The following CCDC59 variants were observed in gnomAD, a reference collection of about 807,000 sequenced individuals.
CCDC59 encodes the protein thyroid transcription factor 1-associated protein 26.
CCDC59 carries 27 observed loss-of-function variants against 30.5 expected under a neutral mutation model. The observed-to-expected ratio is 0.89, with a 90% CI of 0.65 to 1.22. CCDC59 has a LOEUF of 1.22. Ranked by LOEUF, CCDC59 falls within the 50% of genes most tolerant of loss-of-function variation. CCDC59 has a pLI of 0.00. For missense variants in CCDC59, 362 were observed against 284.4 expected (o/e 1.27, Z -1.96); for synonymous variants, 125 against 100.9 (o/e 1.24, Z -1.43).
chr12:82,354,780 A>T, intron 2 of CCDC59, 186 bp from the exon 3 acceptor site: 2 of 447,010 alleles, frequency 4.5e-6, no homozygotes, highest in Non-Finnish European at 7.4e-6. Flanking sequence ...TAAAAAAAAA[A>T]ACTTTTAAAA....
chr12:82,358,492 C>T (rs1238283392), upstream of CCDC59: 19 of 1,595,680 alleles, frequency 1.2e-5, no homozygotes, highest in Non-Finnish European at 1.5e-5. Flanking sequence ...ACTGAGCCTG[C>T]CTGTGCTAAT....
At chr12:82,354,427 C>T in intron 3 of CCDC59, 68 bp downstream of exon 3, 1 of 1,204,104 alleles carries the variant, frequency 8.3e-7, no homozygotes, top group Admixed American at 2.9e-5. Flanking sequence ...AGAAGCACAA[C>T]AGGTATAGTA....
In CCDC59 at chr12:82,354,575, T is replaced by G. The variant is rs760154289; in HGVS notation, c.484A>C (p.Lys162Gln). The change falls in exon 3 of 4, where the codon AAA becomes CAA. Residue 162 changes from lysine to glutamine, a missense_variant. Physicochemically the swap from Lys to Gln is moderately conservative, Grantham distance 53. Transcript: ENST00000256151. ...TGATTTGATGTTTTCTTTTTATTTT[T>G]CTTTGGAATTGTAAAGGAGCTTTTA... ...KTVNSFTIPK[K>Q]NKKKTSNQKA... 2 of 1,584,162 alleles carry G rather than the reference T, an allele frequency of 1.3e-6. No homozygotes were observed. Among genetic ancestry groups the G allele is most frequent in the African/African-American group, 2.7e-5 (2 of 74,260 alleles).
At chr12:82,357,506 A>G (rs566149507) in intron 1 of CCDC59, among the ~76,000 whole-genome samples, 1 of 152,372 alleles carries the variant, frequency 6.6e-6, no homozygotes, top group East Asian at 1.9e-4. Flanking sequence ...TAAGAATCTC[A>G]AAGAAAAACT....
chr12:82,356,930 T>TAGAGGAA (rs1565785523), intron 2 of CCDC59, 30 bp downstream of exon 2: 1 of 1,539,266 alleles, frequency 6.5e-7, no homozygotes, highest in Admixed American at 1.8e-5. Context: ...AAACAACACT[T>TAGAGGAA]AAAGGATTTC....
upstream of CCDC59, chr12:82,358,617 G>A (rs1310856151): frequency 6.2e-7 from 1 of 1,613,816 alleles, no homozygotes; most frequent in Non-Finnish European, 8.5e-7. Flanking sequence ...CACGCTGCGT[G>A]CCAAGTTGCA....
chr12:82,353,013 A>T lies in CCDC59; in HGVS notation c.*138T>A. 4.8e-6 allele frequency: 3 copies of T among 626,642 alleles called. No homozygotes were observed. The highest frequency in any genetic ancestry group is 7.7e-6 in the Non-Finnish European group (3 of 387,230). 38.8% of individuals were successfully genotyped at this position (626,642 alleles called of 1,614,324 possible). On this transcript the variant is annotated 3_prime_UTR_variant, in exon 4 of 4. Transcript: ENST00000256151. ...TATTTAGAAAATTTTTTACCATAAT[A>T]AAAATATGTGAACATCTTATATTTA... is the stretch of plus-strand genomic sequence containing the variant.
chr12:82,356,948 G>A lies in CCDC59; in HGVS notation c.464+12C>T, dbSNP rs532659107. Reference sequence around the variant, plus strand: ...CAACACTTAAAGGATTTCAAATGAAGAAAATACATACTTTACTGTTTTAAT... The same window carrying A: ...CAACACTTAAAGGATTTCAAATGAAAAAAATACATACTTTACTGTTTTAAT... On this transcript the variant is annotated intron_variant, in intron 2 of 3. Transcript: ENST00000256151. 8.9e-6 allele frequency: 14 copies of A among 1,579,804 alleles called. No homozygotes were observed. The Admixed American group carries it at 1.2e-4, about 14-fold the overall frequency.
intron 2 of CCDC59, among the ~76,000 whole-genome samples, chr12:82,356,616 C>T (rs1284048064): frequency 6.6e-6 from 1 of 152,146 alleles, no homozygotes; most frequent in Non-Finnish European, 1.5e-5. Flanking sequence ...GGCTCTAGAA[C>T]CCATACTGTT....
intron 1 of CCDC59, 92 bp from the exon 2 acceptor site, chr12:82,357,361 C>A (rs1435185382): frequency 3.0e-6 from 3 of 1,001,406 alleles, no homozygotes; most frequent in Non-Finnish European, 4.4e-6. Flanking sequence ...ACTTTTTTTA[C>A]GTCATCACAT....
At position 82,357,012 on chromosome 12, in the gene CCDC59, G is replaced by A. The variant is rs981548583; in HGVS notation, c.412C>T (p.Gln138Ter). Reference protein sequence around the residue: ...CSIDEPLFEDQCSFDQPQPEE... With the variant: ...CSIDEPLFED ...GGCTGAGGCTGGTCAAAGCTACACT[G>A]ATCTTCAAATAAAGGCTCGTCAATG... Residue 138 changes from glutamine to a stop codon, truncating the protein, a stop_gained, in exon 2 of 4, where the codon CAG becomes TAG. Transcript: ENST00000256151. LOFTEE classifies it high-confidence loss of function. 2.5e-6 allele frequency: 4 copies of A among 1,614,054 alleles called. No individual in the cohort carries two copies. The highest frequency in any genetic ancestry group is 3.4e-6 in the Non-Finnish European group (4 of 1,180,010).
At chr12:82,357,365 ATCACAT>A (rs1432983300) in intron 1 of CCDC59, 96 bp from the exon 2 acceptor site, 7 of 962,670 alleles carry the variant, frequency 7.3e-6, no homozygotes, top group African/African-American at 3.3e-5. Flanking sequence ...TTTTTACGTC[ATCACAT>A]TCAGATTCTA....
intron 3 of CCDC59, 50 bp from the exon 4 acceptor site, chr12:82,353,362 A>G (rs1167613977): frequency 7.0e-7 from 1 of 1,433,142 alleles, no homozygotes; most frequent in Non-Finnish European, 9.5e-7. Flanking sequence ...CAGTAGATAC[A>G]GTTCAGAAAT....
rs759976275 is a variant in CCDC59, at chr12:82,352,806, T to C, written c.*345A>G. ...AACGTAACTGTTTACTAAATTGAAA[T>C]ATTTCATTGAAATGCTTCATTGATA... On this transcript the variant is annotated 3_prime_UTR_variant, in exon 4 of 4. Transcript: ENST00000256151. 4 of 162,006 alleles carry C rather than the reference T, an allele frequency of 2.5e-5. No homozygotes were observed. Among genetic ancestry groups the C allele is most frequent in the Non-Finnish European group, 5.4e-5 (4 of 74,754 alleles). 10.0% of individuals were successfully genotyped at this position (162,006 alleles called of 1,614,324 possible).
chr12:82,353,569 GT>G (rs1332760370), intron 3 of CCDC59, among the ~76,000 whole-genome samples: 1 of 152,072 alleles, frequency 6.6e-6, no homozygotes, highest in African/African-American at 2.4e-5. Flanking sequence ...GACATTAAAT[GT>G]TTTACAGCAT....
At chr12:82,353,422 T>G in intron 3 of CCDC59, 110 bp from the exon 4 acceptor site, 1 of 850,218 alleles carries the variant, frequency 1.2e-6, no homozygotes, top group South Asian at 2.1e-5. Flanking sequence ...TTGTCTCTTC[T>G]ATTTTGCAAG....
chr12:82,358,104 T>A (rs1415513740), intron 1 of CCDC59, 119 bp downstream of exon 1: 3 of 1,135,806 alleles, frequency 2.6e-6, no homozygotes, highest in Non-Finnish European at 3.8e-6. Context: ...AGGAATGAAT[T>A]CCCTTGCCCC....
upstream of CCDC59, chr12:82,358,553 G>C: frequency 1.2e-6 from 2 of 1,608,200 alleles, no homozygotes; most frequent in Admixed American, 1.7e-5. Flanking sequence ...TACAGCCTCG[G>C]AGGGTGAGCG....
At chr12:82,353,982 A>T (rs1880913994) in intron 3 of CCDC59, among the ~76,000 whole-genome samples, 1 of 151,564 alleles carries the variant, frequency 6.6e-6, no homozygotes, top group Non-Finnish European at 1.5e-5. Context: ...TTTTCTAAAT[A>T]ATAGAGTGCT....
Sources: gnomAD v4.1 joint callset for allele counts (sites outside exome capture counted in the v4.1 genomes callset) on GRCh38, gnomAD v4.1.1 for gene constraint, MANE v1.5 for transcripts, NCBI Gene and HGNC (gene_info 2026-07-23, HGNC 2026-07-21) for gene names.